Variants in FER observed in about 807,000 individuals in gnomAD.
FER encodes tyrosine-protein kinase Fer.
Under a neutral mutation model 111.0 loss-of-function variants are expected in FER, and 63 were observed. That is an observed-to-expected ratio of 0.57 (90% CI 0.46 to 0.70). The LOEUF (loss-of-function observed/expected upper bound fraction) is 0.70, where lower values mean the gene tolerates loss of function less well. Ranked by LOEUF, FER falls within the 30% of genes least tolerant of loss-of-function variation. The pLI, the probability that FER is intolerant of heterozygous loss-of-function variation, is 0.00. For synonymous variants in FER, 327 were observed against 313.9 expected (o/e 1.04, Z -0.44); for missense variants, 914 against 954.0 (o/e 0.96, Z 0.55).
In FER at chr5:108,765,712, G is replaced by A. The variant is rs185431605; in HGVS notation, c.-205-2381G>A. On this transcript the variant is annotated intron_variant, in intron 1 of 19. Transcript: ENST00000281092. The stretch of plus-strand genomic sequence containing the variant: ...ACTAGAACAGGGAATTCTAAATAAT[G>A]CAACTATCTTTGCTGATAGAGAAGA... Among the ~76,000 whole-genome samples, 411 of 152,240 alleles carry A rather than the reference G, an allele frequency of 2.7e-3. 1 individual carries two copies. Among genetic ancestry groups the A allele is most frequent in the South Asian group, 0.011 (53 of 4,822 alleles).
At chr5:108,769,387 G>A (rs944932904) in intron 2 of FER, among the ~76,000 whole-genome samples, 1 of 152,010 alleles carries the variant, frequency 6.6e-6, no homozygotes, top group African/African-American at 2.4e-5. Flanking sequence ...GAATTTGAGG[G>A]ACCAAAAAAT....
intron 1 of FER, among the ~76,000 whole-genome samples, chr5:108,749,182 C>G (rs896578881): frequency 7.2e-5 from 11 of 152,248 alleles, no homozygotes; most frequent in Admixed American, 2.6e-4. Context: ...CAGCGCCCCC[C>G]CCAACCCCCG....
At chr5:109,011,257 G>A (rs11949666) in intron 13 of FER, among the ~76,000 whole-genome samples, 1,598 of 152,108 alleles carry the variant, frequency 0.011, 24 homozygotes, top group African/African-American at 0.036. Flanking sequence ...ATATTGAGAA[G>A]ATGTAAATAT....
intron 10 of FER, among the ~76,000 whole-genome samples, chr5:108,903,437 C>T (rs535956840): frequency 6.6e-5 from 10 of 152,192 alleles, no homozygotes; most frequent in African/African-American, 2.2e-4. Flanking sequence ...GGCTGAGGCC[C>T]GTGGATCACT....
chr5:108,794,531 C>CCA (rs1554066075), intron 2 of FER, among the ~76,000 whole-genome samples: 1 of 130,108 alleles, frequency 7.7e-6, no homozygotes, highest in African/African-American at 2.7e-5. Flanking sequence ...TCCGCACCCC[C>CCA]CCCCCTCCCC....
At chr5:108,875,139 T>C (rs1413750022) in intron 8 of FER, among the ~76,000 whole-genome samples, 1 of 152,164 alleles carries the variant, frequency 6.6e-6, no homozygotes, top group Non-Finnish European at 1.5e-5. Flanking sequence ...TCTAAATACA[T>C]AGGAGAGTTA....
Position 109,186,180 on chromosome 5 carries a change from G to A in FER, c.2204-20G>A. The A allele has an allele frequency of 6.2e-7, 1 of 1,614,064 alleles. No homozygotes were observed. The highest frequency in any genetic ancestry group is 8.5e-7 in the Non-Finnish European group (1 of 1,179,924). On this transcript the variant is annotated intron_variant, in intron 18 of 19. Coordinates refer to ENST00000281092, the MANE Select transcript of FER (RefSeq NM_005246.4). ...TGTCTACTGTGCCTCATGTGGTTAT[G>A]GTTGTTGTTCCTCTTCCAGGGAGAT...
chr5:109,090,619 G>A (rs1442163272), intron 16 of FER, among the ~76,000 whole-genome samples: 1 of 152,106 alleles, frequency 6.6e-6, no homozygotes, highest in Admixed American at 6.6e-5. Flanking sequence ...TGAACAAAAT[G>A]AGAATACTCA....
chr5:108,857,017 G>A (rs369672606), intron 5 of FER, among the ~76,000 whole-genome samples: 59 of 151,960 alleles, frequency 3.9e-4, no homozygotes, highest in Admixed American at 1.4e-3. Flanking sequence ...ATATTTTAAC[G>A]TCATTTCAGT....
At chr5:109,058,771 C>T (rs1373878705) in intron 16 of FER, among the ~76,000 whole-genome samples, 1 of 106,264 alleles carries the variant, frequency 9.4e-6, no homozygotes, top group Non-Finnish European at 1.7e-5. Flanking sequence ...CTAGCTCTGT[C>T]TCCCAGCCGG....
intron 10 of FER, among the ~76,000 whole-genome samples, chr5:108,904,908 C>T (rs1750539009): frequency 1.3e-5 from 2 of 151,978 alleles, no homozygotes; most frequent in African/African-American, 4.8e-5. Flanking sequence ...CTTAACAAAC[C>T]ATTACTATTA....
At chr5:108,916,045 T>A (rs1009204014) in intron 10 of FER, among the ~76,000 whole-genome samples, 1 of 152,224 alleles carries the variant, frequency 6.6e-6, no homozygotes, top group Non-Finnish European at 1.5e-5. Flanking sequence ...CTTGTGAACT[T>A]TTCCTCTGTT....
intron 13 of FER, among the ~76,000 whole-genome samples, chr5:109,018,401 T>G (rs183264963): frequency 2.7e-3 from 407 of 152,020 alleles, no homozygotes; most frequent in African/African-American, 9.2e-3. Flanking sequence ...ATTGATATCT[T>G]ACCATTGGGA....
chr5:109,148,057 A>G (rs914085321), intron 17 of FER, among the ~76,000 whole-genome samples: 1 of 151,972 alleles, frequency 6.6e-6, no homozygotes. Flanking sequence ...ACATATATAT[A>G]TAGATGGTTA....
intron 5 of FER, among the ~76,000 whole-genome samples, chr5:108,853,106 A>C (rs1304491253): frequency 6.6e-6 from 1 of 152,192 alleles, no homozygotes; most frequent in African/African-American, 2.4e-5. Context: ...ATTACTAAAA[A>C]GATGATATAA....
In FER at chr5:108,810,181, G is replaced by A. The variant is rs746102626; in HGVS notation, c.207+11792G>A. 1.4e-4 allele frequency among the ~76,000 whole-genome samples: 22 copies of A among 152,084 alleles called. No individual in the cohort carries two copies. In the East Asian group the frequency reaches 1.7e-3, roughly 12 times the overall value. On this transcript the variant is annotated intron_variant, in intron 3 of 19. Transcript: ENST00000281092. ...TCAGTAATGTCTTTTTGGCTCTGCC[G>A]TATGGACTTCCGTTGGCAGGTTTTA...
At chr5:108,978,253 T>G (rs1761624422) in intron 13 of FER, among the ~76,000 whole-genome samples, 1 of 152,206 alleles carries the variant, frequency 6.6e-6, no homozygotes. Context: ...TGAATCTACA[T>G]TACTCATTGA....
chr5:109,173,382 A>C (rs1757339128), intron 17 of FER, among the ~76,000 whole-genome samples: 1 of 152,246 alleles, frequency 6.6e-6, no homozygotes, highest in African/African-American at 2.4e-5. Flanking sequence ...CCAATATAGT[A>C]AATGGACTCA....
At chr5:108,756,130 G>A (rs1383451370) in intron 1 of FER, among the ~76,000 whole-genome samples, 7 of 147,806 alleles carry the variant, frequency 4.7e-5, no homozygotes, top group Non-Finnish European at 1.0e-4. Flanking sequence ...CTCCAGCCTG[G>A]GTGACAAGAG....
Sources: gnomAD v4.1 joint callset for allele counts (sites outside exome capture counted in the v4.1 genomes callset) on GRCh38, gnomAD v4.1.1 for gene constraint, MANE v1.5 for transcripts, NCBI Gene and HGNC (gene_info 2026-07-23, HGNC 2026-07-21) for gene names.